Variants in SUPT20H observed in about 807,000 individuals in gnomAD.
The protein encoded by SUPT20H is SPT20 homolog, SAGA complex component, also known as transcription factor SPT20 homolog.
Under a neutral mutation model 122.8 loss-of-function variants are expected in SUPT20H, and 82 were observed. The observed-to-expected ratio is 0.67, with a 90% CI of 0.56 to 0.80. SUPT20H has a LOEUF of 0.80. Ranked by LOEUF, SUPT20H falls within the 30% of genes least tolerant of loss-of-function variation. The pLI, the probability that SUPT20H is intolerant of heterozygous loss-of-function variation, is 0.00. For missense variants in SUPT20H, 831 were observed against 921.6 expected, an observed-to-expected ratio of 0.90 and a Z score of 1.27; for synonymous variants, 291 against 313.0, an observed-to-expected ratio of 0.93 and a Z score of 0.74.
intron 1 of SUPT20H, among the ~76,000 whole-genome samples, chr13:37,057,675 T>C (rs566324456): frequency 6.6e-6 from 1 of 151,850 alleles, no homozygotes; most frequent in South Asian, 2.1e-4. Flanking sequence ...AAAGTGTCTC[T>C]ACAAAAAAAT....
At chr13:37,015,727 A>T (rs1172854611) in intron 23 of SUPT20H, among the ~76,000 whole-genome samples, 1 of 152,144 alleles carries the variant, frequency 6.6e-6, no homozygotes, top group Admixed American at 6.5e-5. Context: ...ATAATTGTAC[A>T]CTCACACTCA....
At chr13:37,035,524 GTT>G (rs375726226) in intron 9 of SUPT20H, among the ~76,000 whole-genome samples, 5 of 142,708 alleles carry the variant, frequency 3.5e-5, no homozygotes, top group Admixed American at 7.1e-5. Flanking sequence ...CATATACAGT[GTT>G]TTTTTTTTTT....
At chr13:37,034,643 T>C (rs984417641) in intron 9 of SUPT20H, among the ~76,000 whole-genome samples, 3 of 152,170 alleles carry the variant, frequency 2.0e-5, no homozygotes, top group African/African-American at 7.2e-5. Context: ...ATGCAGAAGA[T>C]CTAAGATAAC....
At chr13:37,043,979 G>C (rs909853061) in intron 7 of SUPT20H, 99 bp downstream of exon 7, 1 of 642,574 alleles carries the variant, frequency 1.6e-6, no homozygotes, top group East Asian at 3.1e-5. Flanking sequence ...TCATGTAGTC[G>C]TTTATATACA....
chr13:37,024,561 A>C, intron 17 of SUPT20H, 119 bp from the exon 18 acceptor site: 1 of 670,122 alleles, frequency 1.5e-6, no homozygotes, highest in Non-Finnish European at 2.2e-6. Flanking sequence ...TAAATCCCAG[A>C]TTTTTAACTC....
At chr13:37,034,648 G>C (rs868037267) in intron 9 of SUPT20H, among the ~76,000 whole-genome samples, 5 of 152,300 alleles carry the variant, frequency 3.3e-5, no homozygotes, top group African/African-American at 4.8e-5. Context: ...GAAGATCTAA[G>C]ATAACTGATG....
At chr13:37,026,882 A>G (rs752460048) in intron 14 of SUPT20H, 66 bp from the exon 15 acceptor site, 274 of 1,028,594 alleles carry the variant, frequency 2.7e-4, no homozygotes, top group Non-Finnish European at 9.2e-5. Context: ...ATAGTTTATT[A>G]AATAAAGTAT....
intron 9 of SUPT20H, among the ~76,000 whole-genome samples, chr13:37,035,785 C>T (rs2064265146): frequency 6.6e-6 from 1 of 152,186 alleles, no homozygotes; most frequent in Non-Finnish European, 1.5e-5. Flanking sequence ...CTGCTTCGGC[C>T]TCCCAAAAGT....
chr13:37,015,506 A>G (rs1162769115), intron 23 of SUPT20H, among the ~76,000 whole-genome samples: 1 of 152,058 alleles, frequency 6.6e-6, no homozygotes, highest in Non-Finnish European at 1.5e-5. Flanking sequence ...AAATTCCCTA[A>G]AGACCCAACC....
chr13:37,029,636 C>G, intron 13 of SUPT20H, 129 bp downstream of exon 13: 1 of 685,236 alleles, frequency 1.5e-6, no homozygotes, highest in Non-Finnish European at 2.4e-6. Flanking sequence ...ATAAACTGAA[C>G]TCGCAGAAAC....
chr13:37,034,514 G>A (rs1284161080), intron 9 of SUPT20H, among the ~76,000 whole-genome samples: 2 of 152,202 alleles, frequency 1.3e-5, no homozygotes. Flanking sequence ...TGAGGAAGCT[G>A]CAGAAGAAAA....
intron 9 of SUPT20H, among the ~76,000 whole-genome samples, chr13:37,037,770 T>C (rs1028607254): frequency 6.6e-6 from 1 of 152,252 alleles, no homozygotes; most frequent in African/African-American, 2.4e-5. Flanking sequence ...CTCTTTACTA[T>C]TATCACATAA....
intron 14 of SUPT20H, 126 bp from the exon 15 acceptor site, chr13:37,026,942 C>G (rs1276085118): frequency 5.1e-6 from 3 of 584,220 alleles, no homozygotes; most frequent in Non-Finnish European, 8.0e-6. Flanking sequence ...TGCAGCTACT[C>G]TGATGCAAAG....
chr13:37,029,327 G>C (rs1052724821), intron 13 of SUPT20H, among the ~76,000 whole-genome samples: 2 of 152,088 alleles, frequency 1.3e-5, no homozygotes, highest in Non-Finnish European at 2.9e-5. Context: ...TCGGGAGTTC[G>C]AGACCAGCCT....
At chr13:37,025,615 A>G (rs2062118674) in intron 16 of SUPT20H, among the ~76,000 whole-genome samples, 178 bp from the exon 17 acceptor site, 2 of 152,216 alleles carry the variant, frequency 1.3e-5, no homozygotes, top group African/African-American at 4.8e-5. Flanking sequence ...TAAACTGTTC[A>G]ATGACAAATT....
At chr13:37,029,286 T>C (rs1027086220) in intron 13 of SUPT20H, among the ~76,000 whole-genome samples, 2 of 152,206 alleles carry the variant, frequency 1.3e-5, no homozygotes, top group Admixed American at 6.5e-5. Flanking sequence ...CCCAGTACTT[T>C]GGGAGGCCAA....
rs1408974274 is a variant in SUPT20H at position 37,010,625 on chromosome 13, C to G, written c.2129G>C (p.Arg710Thr). The G allele has an allele frequency of 3.1e-6, 5 of 1,613,742 alleles. No homozygotes were observed. The highest frequency in any genetic ancestry group is 4.2e-6 in the Non-Finnish European group (5 of 1,179,870). ...VLSQLGSAEN[R>T]PEQSLPQQRF... ...CTGCTGAGGAAGGCTTTGCTCAGGTCTGTTCTCGGCAGAGCCAAGCTGAGA... is the reference window on the plus strand; with the variant it reads ...CTGCTGAGGAAGGCTTTGCTCAGGTGTGTTCTCGGCAGAGCCAAGCTGAGA... Residue 710 changes from arginine (R) to threonine (T), a missense_variant, in exon 25 of 26, where the codon AGA becomes ACA. Transcript: ENST00000350612.
chr13:37,054,554 C>T (rs990464853), intron 1 of SUPT20H, among the ~76,000 whole-genome samples: 14 of 152,120 alleles, frequency 9.2e-5, no homozygotes, highest in Admixed American at 9.2e-4. Flanking sequence ...AGGCCTTTGA[C>T]GAAATTCAAC....
chr13:37,034,073 C>T (rs1566241703), intron 9 of SUPT20H, among the ~76,000 whole-genome samples: 1 of 152,124 alleles, frequency 6.6e-6, no homozygotes, highest in Non-Finnish European at 1.5e-5. Flanking sequence ...GTGGGATCTC[C>T]CCTATCTTTC....
Sources: gnomAD v4.1 joint callset for allele counts (sites outside exome capture counted in the v4.1 genomes callset) on GRCh38, gnomAD v4.1.1 for gene constraint, MANE v1.5 for transcripts, NCBI Gene and HGNC (gene_info 2026-07-23, HGNC 2026-07-21) for gene names.